RIPOR2: variants seen among roughly 807,000 people sequenced by gnomAD.
The protein encoded by RIPOR2 is rho family-interacting cell polarization regulator 2.
RIPOR2 carries 39 observed loss-of-function variants against 114.5 expected under a neutral mutation model. The ratio of observed to expected loss-of-function variants is 0.34; its 90% CI spans 0.26 to 0.44. RIPOR2 has a LOEUF of 0.44. Among genes scored for constraint, RIPOR2 ranks in the 20% least tolerant of loss-of-function variants. The pLI is 1.00. For synonymous variants in RIPOR2, 445 were observed against 484.4 expected, an observed-to-expected ratio of 0.92 and a Z score of 1.07; for missense variants, 1,007 against 1,255.1, an observed-to-expected ratio of 0.80 and a Z score of 2.99.
chr6:24,833,160 C>T (rs1481078261), intron 15 of RIPOR2, among the ~76,000 whole-genome samples: 7 of 152,296 alleles, frequency 4.6e-5, no homozygotes, highest in Admixed American at 4.6e-4. Flanking sequence ...GTCTCAATCA[C>T]CTGGTAGCCA....
intron 1 of RIPOR2, among the ~76,000 whole-genome samples, chr6:24,908,423 GCTATTCAC>G (rs1214974289): frequency 1.3e-5 from 2 of 152,196 alleles, no homozygotes; most frequent in African/African-American, 4.8e-5. Flanking sequence ...TGAAGTCTGT[GCTATTCAC>G]CCTGCACAGT....
rs1777466896 is a variant in RIPOR2 at position 25,041,735 on chromosome 6, G to T, written c.76+116C>A. On this transcript the variant is annotated intron_variant, in intron 1 of 13. Transcript: ENST00000510784. ...GAAAACGGAGCACAGGAAAGTGGAA[G>T]AGAGGAGGAAGGGGGAAAGATTGGA... The T allele has an allele frequency of 8.1e-6, 5 of 617,358 alleles. No homozygotes were observed. The East Asian group carries it at 1.4e-4, about 17-fold the overall frequency. 38.2% of individuals were successfully genotyped at this position (617,358 alleles called of 1,614,324 possible). A position where few individuals can be genotyped will look rare whatever the true frequency, so the allele number is the denominator to read the frequency against.
chr6:24,952,175 T>G (rs80241867), intron 1 of RIPOR2, among the ~76,000 whole-genome samples: 1 of 152,202 alleles, frequency 6.6e-6, no homozygotes, highest in Non-Finnish European at 1.5e-5. Flanking sequence ...CAACTGAGGT[T>G]GTTGGCTGGG....
intron 1 of RIPOR2, among the ~76,000 whole-genome samples, chr6:24,971,309 G>T (rs1329689928): frequency 6.6e-6 from 1 of 152,194 alleles, no homozygotes; most frequent in Non-Finnish European, 1.5e-5. Flanking sequence ...GTGACATGTT[G>T]TCTCTGGATT....
At chr6:25,023,709 C>A (rs1776445797) in intron 1 of RIPOR2, 2 of 770,556 alleles carry the variant, frequency 2.6e-6, no homozygotes, top group South Asian at 2.7e-5. Flanking sequence ...CAGCCCACAC[C>A]GTGTTTGTCC....
intron 1 of RIPOR2, among the ~76,000 whole-genome samples, chr6:24,934,381 G>T (rs143438800): frequency 8.5e-5 from 13 of 152,346 alleles, no homozygotes; most frequent in African/African-American, 3.1e-4. Context: ...GTAAACAGCA[G>T]CGAAGCTCAA....
At chr6:25,014,269 T>A (rs1775883795) in intron 1 of RIPOR2, among the ~76,000 whole-genome samples, 1 of 152,196 alleles carries the variant, frequency 6.6e-6, no homozygotes. Flanking sequence ...TGTAGTTAAT[T>A]TTCCTTTCAA....
chr6:24,956,092 A>C (rs1362308488), intron 1 of RIPOR2, among the ~76,000 whole-genome samples: 2 of 152,194 alleles, frequency 1.3e-5, no homozygotes, highest in African/African-American at 2.4e-5. Context: ...GAAATATGAA[A>C]GACACAAAGA....
At chr6:24,850,097 CTTT>C (rs5875008) in intron 10 of RIPOR2, 147 bp from the exon 11 acceptor site, 3,807 of 432,714 alleles carry the variant, frequency 8.8e-3, no homozygotes, top group Middle Eastern at 0.011. Context: ...TTTTCTTTTT[CTTT>C]TTTTTTTTTT....
In RIPOR2 at chr6:24,850,740, A is replaced by G; in HGVS notation, c.760-18T>C. 4 of 1,613,244 alleles carry G rather than the reference A, an allele frequency of 2.5e-6. No homozygotes were observed. The highest frequency in any genetic ancestry group is 3.4e-6 in the Non-Finnish European group (4 of 1,179,802). On this transcript the variant is annotated intron_variant, in intron 9 of 21. Transcript: ENST00000643898. ...ATGAAAATCTGGAGAGGAGACATCC[A>G]AGGGCCTTCATGTCTTGCCACCCCC...
chr6:24,859,457 C>T (rs1763836853), intron 8 of RIPOR2, among the ~76,000 whole-genome samples: 1 of 152,024 alleles, frequency 6.6e-6, no homozygotes, highest in Admixed American at 6.6e-5. Context: ...AATAAAAATT[C>T]CAGGGCCCAC....
rs377118680 is a variant in RIPOR2 at position 24,967,395 on chromosome 6, A to G, written c.76+74456T>C. On this transcript the variant is annotated intron_variant, in intron 1 of 13. Coordinates refer to the RIPOR2 transcript ENST00000510784. The stretch of plus-strand genomic sequence containing the variant: ...TAAAGATGTGTTATCTACTGCCACC[A>G]TGCACAGAATCACAGTATGGTGGAA... Among the ~76,000 whole-genome samples the G allele has an allele frequency of 3.3e-5, 5 of 152,362 alleles. No homozygotes were observed. The East Asian group carries it at 5.8e-4, about 18-fold the overall frequency.
chr6:24,950,397 T>A (rs1042025711), intron 1 of RIPOR2, among the ~76,000 whole-genome samples: 2 of 152,140 alleles, frequency 1.3e-5, no homozygotes, highest in Admixed American at 1.3e-4. Flanking sequence ...TTGGAAAAAT[T>A]TGGGCTCTGC....
intron 1 of RIPOR2, among the ~76,000 whole-genome samples, chr6:24,993,561 G>A (rs571606501): frequency 2.0e-4 from 30 of 152,320 alleles, no homozygotes; most frequent in Middle Eastern, 3.4e-3. Context: ...CCTTTTAAGT[G>A]GGGCATTTAG....
At chr6:24,861,168 C>G in intron 7 of RIPOR2, 132 bp from the exon 8 acceptor site, 1 of 614,982 alleles carries the variant, frequency 1.6e-6, no homozygotes, top group Admixed American at 2.9e-5. Context: ...CCACACAGCA[C>G]AGCCTAAGAA....
rs1762488996 is a variant in RIPOR2, at chr6:24,848,014, A to T, written c.1164+11T>A. 1 of 1,613,806 alleles carries T rather than the reference A, an allele frequency of 6.2e-7. No individual in the cohort carries two copies. Among genetic ancestry groups the T allele is most frequent in the Non-Finnish European group, 8.5e-7 (1 of 1,179,824 alleles). ...GCATTGATTCTACTCGGGAAATTACACTGAACTTACAAAGAAGGAGTGGTC... is the reference window on the plus strand; with the variant it reads ...GCATTGATTCTACTCGGGAAATTACTCTGAACTTACAAAGAAGGAGTGGTC... On this transcript the variant is annotated intron_variant, in intron 12 of 21. Coordinates refer to ENST00000643898, the MANE Select transcript of RIPOR2 (RefSeq NM_001286445.3).
chr6:24,851,821 C>A (rs1442507470), intron 9 of RIPOR2, among the ~76,000 whole-genome samples: 2 of 151,534 alleles, frequency 1.3e-5, no homozygotes, highest in Non-Finnish European at 2.9e-5. Flanking sequence ...TAGACTAATT[C>A]CAGGTGACGT....
rs1321848574 is a variant in RIPOR2 at position 24,835,790 on chromosome 6, T to A, written c.2121A>T (p.Ala707=). Residue 707 remains alanine (A), a synonymous_variant, in exon 15 of 22, where the codon GCA becomes GCT. Transcript: ENST00000643898. Reference sequence around the variant, plus strand: ...CTGTGGTCAGTGGGAGAGGACTTCCTGCCACACTGGTCCCAACTCCTGTGT... The same window carrying A: ...CTGTGGTCAGTGGGAGAGGACTTCCAGCCACACTGGTCCCAACTCCTGTGT... ...TEDTGVGTSV[A]GSPLPLTTGN... is the part of the protein sequence containing the mutation. 1.3e-6 allele frequency: 2 copies of A among 1,551,682 alleles called. No individual in the cohort carries two copies.
chr6:24,935,317 CAACAAAAAAAAAAA>C (rs1394583338), intron 1 of RIPOR2, among the ~76,000 whole-genome samples: 1 of 79,738 alleles, frequency 1.3e-5, no homozygotes, highest in South Asian at 3.8e-4. Context: ...CAAAAAACAA[CAACAAAAAAAAAAA>C]AAAAAAAAAA....
Sources: gnomAD v4.1 joint callset for allele counts (sites outside exome capture counted in the v4.1 genomes callset) on GRCh38, gnomAD v4.1.1 for gene constraint, MANE v1.5 for transcripts, NCBI Gene and HGNC (gene_info 2026-07-23, HGNC 2026-07-21) for gene names.